Variants in NFIL3 observed in about 807,000 individuals in gnomAD.
NFIL3 encodes nuclear factor, interleukin 3 regulated, also known as nuclear factor interleukin-3-regulated protein.
NFIL3 carries 5 observed loss-of-function variants against 10.0 expected under a neutral mutation model. The ratio of observed to expected loss-of-function variants is 0.50; its 90% CI spans 0.26 to 1.06. The LOEUF is 1.06. Among genes scored for constraint, NFIL3 ranks in the 50% least tolerant of loss-of-function variants. NFIL3 has a pLI of 0.13. For synonymous variants in NFIL3, 202 were observed against 206.5 expected (o/e 0.98, Z 0.19); for missense variants, 436 against 547.6 (o/e 0.80, Z 2.03).
chr9:91,443,366 C>T, the NFIL3 span, among the ~76,000 whole-genome samples: 30 of 152,350 alleles, frequency 2.0e-4, no homozygotes, highest in African/African-American at 7.2e-4. Context: ...CACCAGGGAA[C>T]AGCCCCTTTC....
the NFIL3 span, among the ~76,000 whole-genome samples, chr9:91,469,097 G>A: frequency 6.6e-6 from 1 of 152,264 alleles, no homozygotes; most frequent in South Asian, 2.1e-4. Flanking sequence ...GATGGGGATG[G>A]CACTGAATCT....
chr9:91,410,356 C>T lies in NFIL3; in HGVS notation c.379G>A (p.Gly127Ser). 2 of 1,613,970 alleles carry T rather than the reference C, an allele frequency of 1.2e-6. No individual in the cohort carries two copies. The highest frequency in any genetic ancestry group is 1.7e-6 in the Non-Finnish European group (2 of 1,179,970). ...AELLSLKLKF[G>S]LISSTAYAQE... ...GCATATGCTGTGGAGCTAATTAAAC[C>T]AAACTTTAATTTTAGTGAAAGCAGC... The change falls in exon 2 of 2, where the codon GGT (glycine) becomes AGT (serine). Residue 127 changes from glycine to serine, a missense_variant. By Grantham distance (56) the Gly-to-Ser change is moderately conservative. This residue lies in a region of NFIL3 where 338 missense variants were observed against 399.9 expected (regional missense o/e 0.85). Transcript: ENST00000297689. This position sits in a 1 kb window ranked among gnomAD's most constrained non-coding sequence, Gnocchi z 5.7.
Position 91,410,752 on chromosome 9 carries a change from T to A in NFIL3, c.-18A>T, listed in dbSNP as rs779333932. On this transcript the variant is annotated 5_prime_UTR_variant, in exon 2 of 2. Transcript: ENST00000297689. The surrounding 1 kb of genome is among the most constrained non-coding windows in gnomAD (Gnocchi z 5.7). ...AGCTGCATCAGAAACAACCTTACCC[T>A]ATCTATGTGTGTAGGAGAACAAATT... 28 of 1,555,788 alleles carry A rather than the reference T, an allele frequency of 1.8e-5. No individual in the cohort carries two copies. The South Asian group carries it at 3.2e-4, about 18-fold the overall frequency.
chr9:91,436,105 C>T, the NFIL3 span, among the ~76,000 whole-genome samples: 1 of 152,198 alleles, frequency 6.6e-6, no homozygotes, highest in African/African-American at 2.4e-5. Context: ...ATTGATCTCC[C>T]GCAGGCACTG....
At chr9:91,456,751 A>G in the NFIL3 span, among the ~76,000 whole-genome samples, 60 of 152,242 alleles carry the variant, frequency 3.9e-4, no homozygotes, top group African/African-American at 1.4e-3. Flanking sequence ...TTTGCATTAT[A>G]TCTAAAAAAT....
the NFIL3 span, among the ~76,000 whole-genome samples, chr9:91,447,364 G>C: frequency 6.6e-6 from 1 of 152,130 alleles, no homozygotes; most frequent in Non-Finnish European, 1.5e-5. Flanking sequence ...TGGAATTGCT[G>C]GTTCATATAG....
chr9:91,421,149 C>T (rs894825850), intron 1 of NFIL3, among the ~76,000 whole-genome samples: 1 of 151,864 alleles, frequency 6.6e-6, no homozygotes, highest in Non-Finnish European at 1.5e-5. Flanking sequence ...CGGAGTCAGG[C>T]CCCTGGATTT....
rs1833532312 is a variant in NFIL3, at chr9:91,410,695, C to T, written c.40G>A (p.Ala14Thr). The change falls in exon 2 of 2, where the codon GCG (alanine) becomes ACG (threonine). Residue 14 changes from alanine (A) to threonine (T), a missense_variant. Coordinates refer to ENST00000297689, the MANE Select transcript of NFIL3 (RefSeq NM_005384.3). The surrounding 1 kb of genome is among the most constrained non-coding windows in gnomAD (Gnocchi z 5.7). ...RKMQTVKKEQASLDASSNVDK... is the reference protein window; with the variant it reads ...RKMQTVKKEQTSLDASSNVDK... ...ACATTGCTACTGGCATCAAGAGACG[C>T]CTGCTCCTTTTTGACGGTCTGCATT... 6 of 1,605,808 alleles carry T rather than the reference C, an allele frequency of 3.7e-6. No individual in the cohort carries two copies. The highest frequency in any genetic ancestry group is 1.7e-4 in the Middle Eastern group (1 of 6,018).
chr9:91,442,187 TTTC>T, the NFIL3 span, among the ~76,000 whole-genome samples: 3 of 152,186 alleles, frequency 2.0e-5, no homozygotes, highest in Admixed American at 2.0e-4. Flanking sequence ...TTCTCCTTCA[TTTC>T]TTAAGGACAG....
chr9:91,445,057 G>A, the NFIL3 span, among the ~76,000 whole-genome samples: 1 of 152,104 alleles, frequency 6.6e-6, no homozygotes, highest in South Asian at 2.1e-4. Flanking sequence ...AATAAAGCTG[G>A]GGTCTGTTGC....
upstream of NFIL3, among the ~76,000 whole-genome samples, chr9:91,428,790 A>G (rs1833895154): frequency 6.6e-6 from 1 of 152,236 alleles, no homozygotes; most frequent in Non-Finnish European, 1.5e-5. Flanking sequence ...AAAAACTGAA[A>G]CATGTCTTTA....
intron 1 of NFIL3, among the ~76,000 whole-genome samples, chr9:91,418,445 A>G (rs1429746749): frequency 2.0e-5 from 3 of 152,246 alleles, no homozygotes; most frequent in Admixed American, 6.5e-5. Context: ...ATGGTGGGCT[A>G]AGGGGACAGT....
the NFIL3 span, among the ~76,000 whole-genome samples, chr9:91,466,460 T>C: frequency 6.6e-6 from 1 of 152,200 alleles, no homozygotes; most frequent in Non-Finnish European, 1.5e-5. Context: ...GTTATGAGCA[T>C]GAGTTTGTTT....
chr9:91,454,686 G>C, the NFIL3 span, among the ~76,000 whole-genome samples: 3 of 152,070 alleles, frequency 2.0e-5, no homozygotes, highest in South Asian at 6.2e-4. Flanking sequence ...AAAAAAATTA[G>C]CAGCTTGTGG....
At chr9:91,479,625 GGC>G in the NFIL3 span, among the ~76,000 whole-genome samples, 2 of 152,188 alleles carry the variant, frequency 1.3e-5, no homozygotes, top group Non-Finnish European at 2.9e-5. Flanking sequence ...TTGGCTCCCT[GGC>G]TTCAGCCCCC....
At chr9:91,480,594 TA>T in the NFIL3 span, among the ~76,000 whole-genome samples, 3 of 151,438 alleles carry the variant, frequency 2.0e-5, no homozygotes, top group African/African-American at 4.8e-5. Context: ...TAGAAAACAC[TA>T]AAAAAAAGGA....
At chr9:91,453,959 C>A in the NFIL3 span, among the ~76,000 whole-genome samples, 1 of 152,126 alleles carries the variant, frequency 6.6e-6, no homozygotes, top group Admixed American at 6.5e-5. Context: ...TAAGGTCAGG[C>A]ACAGTGGCTC....
In NFIL3 at chr9:91,410,854, T is replaced by G; in HGVS notation, c.-120A>C. ...ATATTCTTCCTTTTGTTCTACCGTC[T>G]GGGATAAATCCGTCAGGCTCCTTAT... On this transcript the variant is annotated 5_prime_UTR_variant, in exon 2 of 2. Transcript: ENST00000297689. This position sits in a 1 kb window ranked among gnomAD's most constrained non-coding sequence, Gnocchi z 5.7. 9.1e-7 allele frequency: 1 copy of G among 1,103,654 alleles called. No individual in the cohort carries two copies. The highest frequency in any genetic ancestry group is 2.5e-5 in the East Asian group (1 of 39,414). The allele number at this position is 1,103,654 out of a possible 1,614,324, so 68.4% of individuals were successfully genotyped here. A position where few individuals can be genotyped will look rare whatever the true frequency, so the allele number is the denominator to read the frequency against.
Position 91,409,925 on chromosome 9 carries a change from G to A in NFIL3, c.810C>T (p.Asn270=). ...PLLQVNRSSS[N]SPRTSETDDG... The stretch of plus-strand genomic sequence containing the variant: ...CATCAGTTTCCGACGTTCTCGGGGA[G>A]TTGCTGGAGGATCGGTTGACTTGCA... The change falls in exon 2 of 2, where the codon AAC becomes AAT. Residue 270 remains asparagine (N), a synonymous_variant. Coordinates refer to ENST00000297689, the MANE Select transcript of NFIL3 (RefSeq NM_005384.3). 2 of 1,613,920 alleles carry A rather than the reference G, an allele frequency of 1.2e-6. No individual in the cohort carries two copies. The highest frequency in any genetic ancestry group is 1.7e-6 in the Non-Finnish European group (2 of 1,180,026).
Sources: gnomAD v4.1 joint callset for allele counts (sites outside exome capture counted in the v4.1 genomes callset) on GRCh38, gnomAD v4.1.1 for gene constraint, gnomAD v4.1.1 regional missense constraint, Gnocchi (gnomAD v3.1) non-coding constraint, MANE v1.5 for transcripts, NCBI Gene and HGNC (gene_info 2026-07-23, HGNC 2026-07-21) for gene names.